Variants in DIAPH3 observed in about 807,000 individuals in gnomAD.
The protein encoded by DIAPH3 is diaphanous related formin 3, also known as protein diaphanous homolog 3.
DIAPH3 carries 117 observed loss-of-function variants against 144.3 expected under a neutral mutation model. The observed-to-expected ratio is 0.81, with a 90% CI of 0.70 to 0.95. DIAPH3 has a LOEUF of 0.95. DIAPH3 is among the 40% of genes least tolerant of loss of function. The probability of loss-of-function intolerance (pLI) is 0.00; values close to 1 mark genes in which losing one functional copy is unlikely to be tolerated. For synonymous variants in DIAPH3, 519 were observed against 488.9 expected, an observed-to-expected ratio of 1.06 and a Z score of -0.81; for missense variants, 1,421 against 1,412.7, an observed-to-expected ratio of 1.01 and a Z score of -0.09.
intron 3 of DIAPH3, among the ~76,000 whole-genome samples, chr13:60,096,098 A>G (rs1224740999): frequency 1.3e-5 from 2 of 152,232 alleles, no homozygotes; most frequent in Admixed American, 6.5e-5. Flanking sequence ...ATTTATGAAC[A>G]TAGGTAACAT....
intron 27 of DIAPH3, among the ~76,000 whole-genome samples, chr13:59,672,634 G>A (rs1011008928): frequency 6.6e-6 from 1 of 152,146 alleles, no homozygotes; most frequent in African/African-American, 2.4e-5. Flanking sequence ...ATGCAATAAC[G>A]GAAGTTAGTG....
chr13:60,049,527 C>A (rs2056236294), intron 4 of DIAPH3, among the ~76,000 whole-genome samples: 1 of 152,204 alleles, frequency 6.6e-6, no homozygotes, highest in African/African-American at 2.4e-5. Flanking sequence ...CCCAGGCCTA[C>A]TCCTAAACAT....
chr13:59,886,723 G>T (rs1010453910), intron 20 of DIAPH3, among the ~76,000 whole-genome samples: 1 of 151,532 alleles, frequency 6.6e-6, no homozygotes, highest in Non-Finnish European at 1.5e-5. Context: ...TTATGACATT[G>T]TAAATAATAC....
At chr13:60,003,612 C>A (rs1206720570) in intron 9 of DIAPH3, among the ~76,000 whole-genome samples, 1 of 151,672 alleles carries the variant, frequency 6.6e-6, no homozygotes, top group Non-Finnish European at 1.5e-5. Context: ...CTTGCTCTGT[C>A]AGCCAGGCTG....
chr13:59,846,938 G>A (rs1355934519), intron 22 of DIAPH3, among the ~76,000 whole-genome samples: 1 of 152,086 alleles, frequency 6.6e-6, no homozygotes, highest in Non-Finnish European at 1.5e-5. Context: ...GATTAGCCAG[G>A]GGTAGTGGTG....
Position 59,998,461 on chromosome 13 carries a change from T to C in DIAPH3, c.1015-5878A>G, listed in dbSNP as rs116984535. On this transcript the variant is annotated intron_variant, in intron 9 of 27. Coordinates refer to ENST00000400324, the MANE Select transcript of DIAPH3 (RefSeq NM_001042517.2). Reference sequence around the variant, plus strand: ...GCATAGCCCAGTACCTAGCAGTCACTGAATAACTAAGTAATTGATCGGTTA... The same window carrying C: ...GCATAGCCCAGTACCTAGCAGTCACCGAATAACTAAGTAATTGATCGGTTA... Among the ~76,000 whole-genome samples the C allele has an allele frequency of 2.6e-5, 4 of 152,278 alleles. No homozygotes were observed. The East Asian group carries it at 7.7e-4, about 29-fold the overall frequency.
chr13:60,108,597 C>T (rs755818810), intron 3 of DIAPH3, among the ~76,000 whole-genome samples: 4 of 151,648 alleles, frequency 2.6e-5, no homozygotes, highest in South Asian at 2.1e-4. Flanking sequence ...CACAGCAAGA[C>T]TCCGTCTCGA....
At chr13:59,772,221 A>T (rs536169298) in intron 27 of DIAPH3, among the ~76,000 whole-genome samples, 7 of 152,022 alleles carry the variant, frequency 4.6e-5, no homozygotes, top group Non-Finnish European at 1.0e-4. Context: ...TGCAATGAAG[A>T]CATTTTCCTT....
chr13:59,940,581 G>T (rs1274720397), intron 17 of DIAPH3, among the ~76,000 whole-genome samples: 3 of 151,956 alleles, frequency 2.0e-5, no homozygotes, highest in Admixed American at 2.0e-4. Context: ...CTTCATGTTG[G>T]AAACATCAAA....
chr13:60,062,365 C>A (rs552526427), intron 4 of DIAPH3, among the ~76,000 whole-genome samples: 1 of 152,228 alleles, frequency 6.6e-6, no homozygotes, highest in Admixed American at 6.5e-5. Flanking sequence ...ACAAAACCTG[C>A]AAAATTCCTG....
chr13:59,952,181 G>A (rs1204399126), intron 17 of DIAPH3, among the ~76,000 whole-genome samples: 3 of 152,084 alleles, frequency 2.0e-5, no homozygotes, highest in Non-Finnish European at 2.9e-5. Context: ...CCACTGATAT[G>A]AAACATCCAG....
intron 25 of DIAPH3, among the ~76,000 whole-genome samples, chr13:59,790,052 G>C (rs1593861382): frequency 6.6e-6 from 1 of 152,184 alleles, no homozygotes; most frequent in East Asian, 1.9e-4. Flanking sequence ...ATTCTACAAA[G>C]ATACACTAAG....
At chr13:59,785,704 C>T (rs2139364291) in intron 25 of DIAPH3, among the ~76,000 whole-genome samples, 1 of 152,182 alleles carries the variant, frequency 6.6e-6, no homozygotes, top group Admixed American at 6.5e-5. Context: ...TCCTTCCTTC[C>T]ACAGAGGCTA....
chr13:59,976,544 C>T (rs1194072715), intron 14 of DIAPH3, among the ~76,000 whole-genome samples: 1 of 151,892 alleles, frequency 6.6e-6, no homozygotes, highest in Non-Finnish European at 1.5e-5. Context: ...TAAATACCTA[C>T]AAATAGGCCT....
chr13:60,110,381 C>T (rs150067790), intron 3 of DIAPH3, among the ~76,000 whole-genome samples: 2 of 152,218 alleles, frequency 1.3e-5, no homozygotes, highest in East Asian at 1.9e-4. Context: ...GTAACAGATA[C>T]GTACAAGCCA....
chr13:59,965,077 C>T, intron 17 of DIAPH3, among the ~76,000 whole-genome samples: 1 of 152,242 alleles, frequency 6.6e-6, no homozygotes, highest in East Asian at 1.9e-4. Context: ...AAACACAATG[C>T]AACATCTTGA....
At chr13:59,955,783 C>G (rs1176426884) in intron 17 of DIAPH3, among the ~76,000 whole-genome samples, 1 of 152,164 alleles carries the variant, frequency 6.6e-6, no homozygotes, top group Admixed American at 6.5e-5. Context: ...AACCAAAATG[C>G]TGACAGTAAT....
At chr13:59,905,932 T>G (rs1038610257) in intron 20 of DIAPH3, among the ~76,000 whole-genome samples, 2 of 152,318 alleles carry the variant, frequency 1.3e-5, no homozygotes, top group African/African-American at 4.8e-5. Context: ...CATAAACTTG[T>G]GTTGTTTTAA....
intron 20 of DIAPH3, among the ~76,000 whole-genome samples, chr13:59,899,622 C>T (rs568289256): frequency 1.3e-5 from 2 of 152,276 alleles, no homozygotes; most frequent in African/African-American, 2.4e-5. Context: ...TAGACTACTA[C>T]AAGAATTCTG....
Sources: allele counts gnomAD v4.1 joint callset (sites outside exome capture counted in the v4.1 genomes callset), GRCh38; gene constraint gnomAD v4.1.1; transcripts MANE v1.5; gene names NCBI Gene and HGNC (gene_info 2026-07-23, HGNC 2026-07-21).